Variants in SRSF4 observed in about 807,000 individuals in gnomAD.
SRSF4 encodes serine/arginine-rich splicing factor 4.
Under a neutral mutation model 48.8 loss-of-function variants are expected in SRSF4, and 12 were observed. The observed-to-expected ratio is 0.25, with a 90% confidence interval of 0.16 to 0.40. The LOEUF (loss-of-function observed/expected upper bound fraction) is 0.40, where lower values mean the gene tolerates loss of function less well. Among genes scored for constraint, SRSF4 ranks in the 10% least tolerant of loss-of-function variants. SRSF4 has a pLI of 1.00. For synonymous variants in SRSF4, 248 were observed against 232.5 expected, an observed-to-expected ratio of 1.07 and a Z score of -0.61; for missense variants, 466 against 667.1, an observed-to-expected ratio of 0.70 and a Z score of 3.32.
At chr1:29,176,750 G>C (rs909359492) in intron 1 of SRSF4, among the ~76,000 whole-genome samples, 13 of 152,058 alleles carry the variant, frequency 8.5e-5, no homozygotes, top group Admixed American at 7.2e-4. Context: ...AAAAATTATG[G>C]TGCATTAAAC....
intron 4 of SRSF4, among the ~76,000 whole-genome samples, chr1:29,152,296 G>A (rs568753560): frequency 5.1e-4 from 78 of 152,322 alleles, no homozygotes; most frequent in African/African-American, 1.7e-3. Flanking sequence ...CAGCAGGAGC[G>A]GGTGATGTGA....
At chr1:29,176,138 G>C (rs1410475818) in intron 1 of SRSF4, among the ~76,000 whole-genome samples, 1 of 152,126 alleles carries the variant, frequency 6.6e-6, no homozygotes. Context: ...TGTAGTCCCA[G>C]CTACTTGGGA....
chr1:29,153,601 T>C (rs957398604), intron 4 of SRSF4, among the ~76,000 whole-genome samples: 2 of 132,076 alleles, frequency 1.5e-5, no homozygotes, highest in African/African-American at 5.6e-5. Flanking sequence ...CTGATTTCCA[T>C]TTTTTTTTTT....
intron 1 of SRSF4, among the ~76,000 whole-genome samples, chr1:29,167,426 C>A (rs1369489349): frequency 6.6e-6 from 1 of 152,178 alleles, no homozygotes; most frequent in Non-Finnish European, 1.5e-5. Flanking sequence ...GCTCTGTTGC[C>A]CAGGCTGGAG....
At position 29,148,241 on chromosome 1, in the gene SRSF4, G is replaced by T; in HGVS notation, c.*169C>A. On this transcript the variant is annotated 3_prime_UTR_variant, in exon 6 of 6. Coordinates refer to ENST00000373795, the MANE Select transcript of SRSF4 (RefSeq NM_005626.5). ...TTTCAGTCGAGCAGGAAGGCCTGGT[G>T]CCAGGAGGCTTTACTGAGAGGAAGC... 2.0e-6 allele frequency: 2 copies of T among 986,800 alleles called. No individual in the cohort carries two copies. Among genetic ancestry groups the T allele is most frequent in the Non-Finnish European group, 3.1e-6 (2 of 642,518 alleles). 61.1% of individuals were successfully genotyped at this position (986,800 alleles called of 1,614,324 possible).
At chr1:29,176,985 G>A (rs1399838686) in intron 1 of SRSF4, among the ~76,000 whole-genome samples, 1 of 146,398 alleles carries the variant, frequency 6.8e-6, no homozygotes, top group Non-Finnish European at 1.5e-5. Context: ...CTACTAGACA[G>A]GCAAAATAAT....
Position 29,148,549 on chromosome 1 carries a change from T to C in SRSF4, c.1346A>G (p.Lys449Arg). The C allele has an allele frequency of 3.1e-6, 5 of 1,614,086 alleles. No individual in the cohort carries two copies. The highest frequency in any genetic ancestry group is 4.2e-6 in the Non-Finnish European group (5 of 1,180,016). ...TTCTGATGGAAGGTTTGGTTTCGAT[T>C]TGGAATTGGATCTCGACCTGGACCG... ...ETRSRSRSNS[K>R]SKPNLPSESR... Residue 449 changes from lysine (K) to arginine (R), a missense_variant, in exon 6 of 6, where the codon AAA becomes AGA. Physicochemically the swap from Lys to Arg is conservative, Grantham distance 26. Around this residue, in one of 2 missense-constraint regions of SRSF4, gnomAD observed 402 missense variants for 437.0 expected, o/e 0.92. Coordinates refer to ENST00000373795, the MANE Select transcript of SRSF4 (RefSeq NM_005626.5).
chr1:29,171,618 G>A (rs1037171935), intron 1 of SRSF4: 1 of 151,848 alleles, frequency 6.6e-6, no homozygotes, highest in African/African-American at 2.4e-5. Flanking sequence ...TAAGATTTCA[G>A]TGTTAGCTTA....
chr1:29,155,182 G>A (rs749652667), intron 3 of SRSF4, among the ~76,000 whole-genome samples: 11 of 152,106 alleles, frequency 7.2e-5, no homozygotes, highest in Admixed American at 5.2e-4. Flanking sequence ...TGTAATCCCA[G>A]CACTTTGACA....
At chr1:29,177,546 T>G (rs576231422) in intron 1 of SRSF4, among the ~76,000 whole-genome samples, 1 of 152,262 alleles carries the variant, frequency 6.6e-6, no homozygotes, top group African/African-American at 2.4e-5. Flanking sequence ...CCTCTCAAAG[T>G]GCCGGGGTTA....
At chr1:29,150,427 G>C (rs1294114304) in intron 4 of SRSF4, among the ~76,000 whole-genome samples, 1 of 152,086 alleles carries the variant, frequency 6.6e-6, no homozygotes, top group Non-Finnish European at 1.5e-5. Flanking sequence ...ACCACGCCTG[G>C]CTAATTTTGT....
intron 1 of SRSF4, among the ~76,000 whole-genome samples, chr1:29,165,702 T>C (rs1046232555): frequency 1.3e-5 from 2 of 152,166 alleles, no homozygotes; most frequent in African/African-American, 2.4e-5. Context: ...AATGGCTAAC[T>C]GGGCAAGGCA....
intron 3 of SRSF4, 77 bp downstream of exon 3, chr1:29,159,297 G>A: frequency 1.1e-6 from 1 of 920,644 alleles, no homozygotes; most frequent in Admixed American, 2.0e-5. Flanking sequence ...GTGTATGCCT[G>A]GGCCTGCACA....
intron 4 of SRSF4, among the ~76,000 whole-genome samples, chr1:29,154,045 T>C (rs927421143): frequency 1.3e-5 from 2 of 151,672 alleles, no homozygotes; most frequent in African/African-American, 4.8e-5. Context: ...TACAGGTACG[T>C]GCGCCACCAC....
rs761444326 is a variant in SRSF4 at position 29,148,884 on chromosome 1, T to C, written c.1011A>G (p.Lys337=). The change falls in exon 6 of 6, where the codon AAA becomes AAG. Residue 337 remains lysine (K), a synonymous_variant. Transcript: ENST00000373795. ...LRQSRSRSRS[K]GGSRSRSRSR... ...TCCTGCTCCGGCTCCTGCTGCCCCCTTTGCTCCTGCTCCGGCTCCGACTCT... is the reference window on the plus strand; with the variant it reads ...TCCTGCTCCGGCTCCTGCTGCCCCCCTTGCTCCTGCTCCGGCTCCGACTCT... 1 of 1,604,430 alleles carries C rather than the reference T, an allele frequency of 6.2e-7. No individual in the cohort carries two copies. The highest frequency in any genetic ancestry group is 1.3e-5 in the African/African-American group (1 of 74,154).
At chr1:29,157,673 C>T (rs1574192972) in intron 3 of SRSF4, among the ~76,000 whole-genome samples, 1 of 152,268 alleles carries the variant, frequency 6.6e-6, no homozygotes, top group South Asian at 2.1e-4. Flanking sequence ...TTAAACTATA[C>T]AAATGTAAAG....
At chr1:29,170,318 T>C (rs1178073342) in intron 1 of SRSF4, 1 of 152,222 alleles carries the variant, frequency 6.6e-6, no homozygotes, top group Non-Finnish European at 1.5e-5. Context: ...TAATATAGAA[T>C]TACTTTATCT....
chr1:29,149,168 T>G lies in SRSF4; in HGVS notation c.727A>C (p.Lys243Gln). Residue 243 changes from lysine (K) to glutamine (Q), a missense_variant, in exon 6 of 6, where the codon AAG becomes CAG. Lys to Gln is a moderately conservative substitution (Grantham distance 53, BLOSUM62 1). Transcript: ENST00000373795. ...RSRSQSRSRS[K>Q]KEKSRSPSKE... Reference sequence around the variant, plus strand: ...CTGGGGCTCCTGCTTTTCTCTTTCTTGCTCCGGCTCCGACTCTGGCTCCGG... The same window carrying G: ...CTGGGGCTCCTGCTTTTCTCTTTCTGGCTCCGGCTCCGACTCTGGCTCCGG... The G allele has an allele frequency of 6.2e-7, 1 of 1,608,500 alleles. No individual in the cohort carries two copies. The highest frequency in any genetic ancestry group is 8.5e-7 in the Non-Finnish European group (1 of 1,176,990).
chr1:29,170,135 C>G (rs1672726563), intron 1 of SRSF4: 1 of 152,100 alleles, frequency 6.6e-6, no homozygotes, highest in African/African-American at 2.4e-5. Context: ...TTTCAATTTT[C>G]TGACACTTTT....
Sources: gnomAD v4.1 joint callset for allele counts (sites outside exome capture counted in the v4.1 genomes callset) on GRCh38, gnomAD v4.1.1 for gene constraint, gnomAD v4.1.1 regional missense constraint, MANE v1.5 for transcripts, NCBI Gene and HGNC (gene_info 2026-07-23, HGNC 2026-07-21) for gene names.